LARGE1: variants seen among roughly 807,000 people sequenced by gnomAD.
LARGE1 encodes LARGE xylosyl- and glucuronyltransferase 1, also known as xylosyl- and glucuronyltransferase LARGE1.
Under a neutral mutation model 87.6 loss-of-function variants are expected in LARGE1, and 43 were observed. The observed-to-expected ratio is 0.49, with a 90% CI of 0.38 to 0.63. LARGE1 has a LOEUF of 0.63. Among genes scored for constraint, LARGE1 ranks in the 30% least tolerant of loss-of-function variants. The pLI is 0.00. For synonymous variants in LARGE1, 434 were observed against 394.6 expected, an observed-to-expected ratio of 1.10 and a Z score of -1.18; for missense variants, 802 against 1,000.2, an observed-to-expected ratio of 0.80 and a Z score of 2.67.
chr22:33,907,684 CAGCCTCCTGAGCCTCCTG>C lies in LARGE1; in HGVS notation c.-83+12293_-83+12310del, dbSNP rs573983195. Among the ~76,000 whole-genome samples the C allele has an allele frequency of 3.2e-4, 49 of 152,230 alleles. No individual in the cohort carries two copies. In the South Asian group the frequency reaches 4.6e-3, roughly 14 times the overall value. ...CCGGGTTCACACCATTCTCCTGCCT[CAGCCTCCTGAGCCTCCTG>C]AGCCTCCTGAGCCTCCTGAGTAGGT... On this transcript the variant is annotated intron_variant, in intron 1 of 14. Coordinates refer to ENST00000397394, the MANE Select transcript of LARGE1 (RefSeq NM_133642.5).
intron 6 of LARGE1, among the ~76,000 whole-genome samples, chr22:33,504,511 C>T (rs1414823600): frequency 6.6e-6 from 1 of 152,192 alleles, no homozygotes; most frequent in African/African-American, 2.4e-5. Flanking sequence ...CCACCCGCCT[C>T]GGCCTCCCAA....
intron 6 of LARGE1, among the ~76,000 whole-genome samples, chr22:33,444,142 T>A (rs999367578): frequency 2.6e-5 from 4 of 152,256 alleles, no homozygotes; most frequent in African/African-American, 4.8e-5. Flanking sequence ...GGCCAACATT[T>A]AAGTTCTGGC....
At chr22:33,750,080 A>AT (rs1027550338) in intron 2 of LARGE1, among the ~76,000 whole-genome samples, 1 of 152,178 alleles carries the variant, frequency 6.6e-6, no homozygotes, top group Non-Finnish European at 1.5e-5. Context: ...CCAGGCCAAA[A>AT]GGTGGAAACT....
intron 1 of LARGE1, among the ~76,000 whole-genome samples, chr22:33,823,928 C>T (rs1460831323): frequency 6.6e-6 from 1 of 152,120 alleles, no homozygotes; most frequent in Non-Finnish European, 1.5e-5. Context: ...CCTCATTTGC[C>T]CTGTTAAGTG....
intron 12 of LARGE1, among the ~76,000 whole-genome samples, chr22:33,300,819 C>A (rs770430628): frequency 3.2e-4 from 49 of 152,142 alleles, no homozygotes; most frequent in Non-Finnish European, 5.6e-4. Flanking sequence ...GGATTACACG[C>A]GTGAGCCACC....
intron 2 of LARGE1, among the ~76,000 whole-genome samples, chr22:33,752,536 A>G (rs539783803): frequency 1.3e-5 from 2 of 152,328 alleles, no homozygotes; most frequent in Non-Finnish European, 2.9e-5. Flanking sequence ...TATGGTCTTA[A>G]ATCATTCAGA....
In LARGE1 at chr22:33,746,111, A is replaced by G. The variant is rs549791354; in HGVS notation, c.106+15260T>C. On this transcript the variant is annotated intron_variant, in intron 2 of 14. Coordinates refer to ENST00000397394, the MANE Select transcript of LARGE1 (RefSeq NM_133642.5). ...ACGAAAATTAGTCGGGTATGGTGGCATGCGCCTGTAGTCCCAGCTACTCGG... is the reference window on the plus strand; with the variant it reads ...ACGAAAATTAGTCGGGTATGGTGGCGTGCGCCTGTAGTCCCAGCTACTCGG... 5.9e-5 allele frequency among the ~76,000 whole-genome samples: 9 copies of G among 152,282 alleles called. No individual in the cohort carries two copies. The South Asian group carries it at 1.7e-3, about 28-fold the overall frequency.
intron 1 of LARGE1, among the ~76,000 whole-genome samples, chr22:33,792,942 A>G (rs1215583063): frequency 1.3e-5 from 2 of 152,172 alleles, no homozygotes; most frequent in African/African-American, 4.8e-5. Context: ...GACATTGAGC[A>G]CCTCTTCTAG....
chr22:33,611,075 C>T (rs1178667950), intron 4 of LARGE1, among the ~76,000 whole-genome samples: 4 of 139,182 alleles, frequency 2.9e-5, no homozygotes, highest in Non-Finnish European at 3.0e-5. Context: ...CATGCAGAAG[C>T]CTGCTACAGG....
At chr22:33,593,444 T>C (rs1362423868) in intron 5 of LARGE1, among the ~76,000 whole-genome samples, 2 of 152,210 alleles carry the variant, frequency 1.3e-5, no homozygotes, top group African/African-American at 4.8e-5. Context: ...TCTCTGTCTA[T>C]TTTGCTCAAA....
At chr22:33,764,949 C>T (rs1317301951) in intron 1 of LARGE1, among the ~76,000 whole-genome samples, 3 of 152,180 alleles carry the variant, frequency 2.0e-5, no homozygotes, top group Non-Finnish European at 4.4e-5. Flanking sequence ...GAATGTGGAA[C>T]CCTCAGATAT....
chr22:33,532,857 G>T (rs1185050677), intron 6 of LARGE1, among the ~76,000 whole-genome samples: 5 of 152,192 alleles, frequency 3.3e-5, no homozygotes, highest in African/African-American at 1.2e-4. Flanking sequence ...GCTCATCGAT[G>T]ATGTCCAGTT....
chr22:33,185,256 C>T (rs1457662182), intron 11 of LARGE1, among the ~76,000 whole-genome samples: 7 of 151,948 alleles, frequency 4.6e-5, no homozygotes, highest in Admixed American at 1.3e-4. Context: ...TAAAAAGACA[C>T]GGAGAAAATT....
intron 1 of LARGE1, among the ~76,000 whole-genome samples, chr22:33,764,194 G>C (rs1336807933): frequency 6.6e-6 from 1 of 151,970 alleles, no homozygotes; most frequent in Non-Finnish European, 1.5e-5. Context: ...TCCCCCACAG[G>C]ATTGGGTAGA....
intron 11 of LARGE1, among the ~76,000 whole-genome samples, chr22:33,179,662 T>A (rs1923060960): frequency 6.6e-6 from 1 of 152,226 alleles, no homozygotes; most frequent in Non-Finnish European, 1.5e-5. Flanking sequence ...AATTTGTTCT[T>A]CCTATTATTT....
intron 1 of LARGE1, among the ~76,000 whole-genome samples, chr22:33,836,920 A>C (rs1250379734): frequency 6.6e-6 from 1 of 152,198 alleles, no homozygotes; most frequent in South Asian, 2.1e-4. Flanking sequence ...TTCAGATAAT[A>C]GCAGTTTACC....
intron 2 of LARGE1, among the ~76,000 whole-genome samples, chr22:33,678,749 C>T (rs542065785): frequency 2.6e-5 from 4 of 152,290 alleles, no homozygotes; most frequent in South Asian, 4.1e-4. Context: ...GAGAGCAGAG[C>T]GCACCATGGG....
chr22:33,148,036 A>G, the LARGE1 span, among the ~76,000 whole-genome samples: 10 of 152,196 alleles, frequency 6.6e-5, no homozygotes, highest in Non-Finnish European at 1.3e-4. Flanking sequence ...TTCTGTTATC[A>G]TGGGAGTGGG....
intron 2 of LARGE1, among the ~76,000 whole-genome samples, chr22:33,680,927 T>TATAA: frequency 6.6e-6 from 1 of 152,284 alleles, no homozygotes; most frequent in East Asian, 1.9e-4. Flanking sequence ...AAATCCAGAG[T>TATAA]ATAAATGTTA....
Sources: allele counts gnomAD v4.1 joint callset (sites outside exome capture counted in the v4.1 genomes callset), GRCh38; gene constraint gnomAD v4.1.1; transcripts MANE v1.5; gene names NCBI Gene and HGNC (gene_info 2026-07-23, HGNC 2026-07-21).